TRIM5: variants seen among roughly 807,000 people sequenced by gnomAD.
TRIM5 encodes the protein tripartite motif containing 5, also known as tripartite motif-containing protein 5.
A neutral mutation model predicts 35.6 loss-of-function variants in TRIM5; 31 were observed. The ratio of observed to expected loss-of-function variants is 0.87; its 90% CI spans 0.65 to 1.18. The LOEUF (loss-of-function observed/expected upper bound fraction) is 1.18. Among genes scored for constraint, TRIM5 ranks in the 50% most tolerant of loss-of-function variants. TRIM5 has a pLI of 0.00. For missense variants in TRIM5, 609 were observed against 591.6 expected (o/e 1.03, Z -0.31); for synonymous variants, 243 against 215.6 (o/e 1.13, Z -1.11).
the TRIM5 span, among the ~76,000 whole-genome samples, chr11:5,622,218 A>C: frequency 1.3e-5 from 2 of 152,088 alleles, no homozygotes; most frequent in Non-Finnish European, 2.9e-5. Context: ...GGCCGAGGCA[A>C]GCAGATCATG....
At chr11:5,605,256 G>T in the TRIM5 span, 1 of 1,598,060 alleles carries the variant, frequency 6.3e-7, no homozygotes, top group African/African-American at 1.3e-5. Flanking sequence ...AAGCAGTCCT[G>T]AGCCCAACTT....
chr11:5,591,045 T>A, the TRIM5 span: 1 of 162,326 alleles, frequency 6.2e-6, no homozygotes, highest in Non-Finnish European at 1.3e-5. Flanking sequence ...ACAGTAAAGA[T>A]GGAGAGAAAT....
chr11:5,648,501 A>G, the TRIM5 span, among the ~76,000 whole-genome samples: 16 of 152,058 alleles, frequency 1.1e-4, no homozygotes, highest in Non-Finnish European at 2.1e-4. Flanking sequence ...GGGAGACTCC[A>G]TCTCAAAAAA....
At chr11:5,607,353 A>G in the TRIM5 span, among the ~76,000 whole-genome samples, 2 of 152,244 alleles carry the variant, frequency 1.3e-5, no homozygotes, top group South Asian at 2.1e-4. Context: ...ACAATCCTGG[A>G]TATTTACTGC....
the TRIM5 span, chr11:5,643,754 C>T: frequency 2.0e-6 from 3 of 1,529,684 alleles, no homozygotes; most frequent in African/African-American, 1.4e-5. Context: ...TGACTTATCT[C>T]CTGCAACTGA....
intron 4 of TRIM5, among the ~76,000 whole-genome samples, chr11:5,674,430 T>A (rs1233024500): frequency 6.6e-6 from 1 of 152,218 alleles, no homozygotes; most frequent in Non-Finnish European, 1.5e-5. Context: ...ACATTTTCCA[T>A]TTCACCCCTC....
chr11:5,676,924 C>A (rs1852028424), intron 4 of TRIM5, among the ~76,000 whole-genome samples: 2 of 149,936 alleles, frequency 1.3e-5, no homozygotes, highest in African/African-American at 4.9e-5. Context: ...AACTGGATCC[C>A]TTCCTTACAC....
chr11:5,639,604 G>A, the TRIM5 span, among the ~76,000 whole-genome samples: 7 of 149,152 alleles, frequency 4.7e-5, no homozygotes, highest in African/African-American at 1.5e-4. Context: ...CGCTTGAACC[G>A]GGGAGGTGGA....
the TRIM5 span, chr11:5,610,668 C>T: frequency 6.4e-7 from 1 of 1,565,484 alleles, no homozygotes; most frequent in South Asian, 1.2e-5. Context: ...CTCCCCCATC[C>T]CCGCCATATA....
At chr11:5,650,295 G>C in the TRIM5 span, among the ~76,000 whole-genome samples, 1 of 152,192 alleles carries the variant, frequency 6.6e-6, no homozygotes, top group African/African-American at 2.4e-5. Context: ...CCGTGATTCA[G>C]TATATAACAT....
At chr11:5,602,348 C>T in the TRIM5 span, among the ~76,000 whole-genome samples, 1 of 152,006 alleles carries the variant, frequency 6.6e-6, no homozygotes, top group Non-Finnish European at 1.5e-5. Flanking sequence ...GAGGCTGAGG[C>T]AGGAGAATGG....
the TRIM5 span, among the ~76,000 whole-genome samples, chr11:5,653,786 C>T: frequency 3.5e-3 from 535 of 152,166 alleles, 4 homozygotes; most frequent in Non-Finnish European, 5.2e-3. Flanking sequence ...CCACCACGCC[C>T]GGCTAAAACT....
At chr11:5,610,228 T>A in the TRIM5 span, 1 of 1,613,984 alleles carries the variant, frequency 6.2e-7, no homozygotes, top group African/African-American at 1.3e-5. Flanking sequence ...CTGAAAAGGA[T>A]GCTGCGAGTG....
At chr11:5,632,433 C>G in the TRIM5 span, 1 of 1,613,944 alleles carries the variant, frequency 6.2e-7, no homozygotes, top group Middle Eastern at 1.6e-4. Context: ...GCCACAGCCT[C>G]TGCCGAGCCT....
the TRIM5 span, chr11:5,625,182 A>G: frequency 1.3e-5 from 2 of 152,190 alleles, no homozygotes; most frequent in African/African-American, 4.8e-5. Flanking sequence ...AGCAAAGGCT[A>G]GCTTGCAGGC....
chr11:5,590,538 C>G, the TRIM5 span: 38,693 of 152,134 alleles, frequency 0.25, 5,356 homozygotes, highest in East Asian at 0.48. Flanking sequence ...TATGGACACA[C>G]TGTATCTAAC....
chr11:5,626,496 G>A, the TRIM5 span: 1 of 152,192 alleles, frequency 6.6e-6, no homozygotes, highest in African/African-American at 2.4e-5. Context: ...AAGAATGCGA[G>A]GAAATTAAAG....
In TRIM5 at chr11:5,679,137, C is replaced by T. The variant is rs766573931; in HGVS notation, c.450G>A (p.Arg150=). The change falls in exon 3 of 8, where the codon AGG becomes AGA. Residue 150 remains arginine, a synonymous_variant. Transcript: ENST00000380034. ...ACTCTTCAGCTTCCTGCTGCTTCTG[C>T]CTCAGCATCTCCAGAGCTGCCTGGA... ...VKLQAALEML[R]QKQQEAEELE... 1.9e-6 allele frequency: 3 copies of T among 1,614,078 alleles called. No individual in the cohort carries two copies. The highest frequency in any genetic ancestry group is 1.7e-5 in the Admixed American group (1 of 60,022).
At chr11:5,662,236 G>C (rs531374212), downstream of TRIM5, among the ~76,000 whole-genome samples, 1 of 152,294 alleles carries the variant, frequency 6.6e-6, no homozygotes, top group East Asian at 1.9e-4. Context: ...GCAGGGTGAA[G>C]AGCAGAGACT....
Sources: gnomAD v4.1 joint callset for allele counts (sites outside exome capture counted in the v4.1 genomes callset) on GRCh38, gnomAD v4.1.1 for gene constraint, MANE v1.5 for transcripts, NCBI Gene and HGNC (gene_info 2026-07-23, HGNC 2026-07-21) for gene names.